ADK: variants seen among roughly 807,000 people sequenced by gnomAD.
ADK encodes adenosine kinase.
ADK carries 24 observed loss-of-function variants against 44.7 expected under a neutral mutation model. The ratio of observed to expected loss-of-function variants is 0.54; its 90% CI spans 0.39 to 0.76. ADK has a LOEUF of 0.76. Among genes scored for constraint, ADK ranks in the 30% least tolerant of loss-of-function variants. The pLI is 0.00. For missense variants in ADK, 321 were observed against 425.1 expected (o/e 0.76, Z 2.15); for synonymous variants, 128 against 142.6 (o/e 0.90, Z 0.73).
At chr10:74,239,021 C>T (rs957890344) in intron 3 of ADK, among the ~76,000 whole-genome samples, 1 of 151,952 alleles carries the variant, frequency 6.6e-6, no homozygotes, top group Middle Eastern at 3.4e-3. Flanking sequence ...CCACCATGCC[C>T]AGCTAATTTT....
At chr10:74,691,685 A>G (rs1335023167) in intron 10 of ADK, among the ~76,000 whole-genome samples, 2 of 133,764 alleles carry the variant, frequency 1.5e-5, no homozygotes, top group East Asian at 2.2e-4. Flanking sequence ...GACCATAAAC[A>G]TACAACAAAG....
At chr10:74,497,881 CTTTTCTTTTTTTT>C (rs906929335) in intron 6 of ADK, among the ~76,000 whole-genome samples, 1 of 150,412 alleles carries the variant, frequency 6.6e-6, no homozygotes, top group African/African-American at 2.5e-5. Flanking sequence ...TGAGGAAGAC[CTTTTCTTTTTTTT>C]TTTTCTTTTT....
intron 1 of ADK, among the ~76,000 whole-genome samples, chr10:74,156,525 G>T (rs1280976254): frequency 6.6e-6 from 1 of 152,126 alleles, no homozygotes; most frequent in East Asian, 1.9e-4. Flanking sequence ...TGAGGCACTG[G>T]CACTACTACA....
chr10:74,497,831 A>G (rs1453116264), intron 6 of ADK, among the ~76,000 whole-genome samples: 2 of 152,170 alleles, frequency 1.3e-5, no homozygotes, highest in Non-Finnish European at 2.9e-5. Context: ...AGATATATCA[A>G]TCAAGAACCT....
intron 9 of ADK, among the ~76,000 whole-genome samples, chr10:74,650,731 C>G (rs974677530): frequency 6.6e-6 from 1 of 152,202 alleles, no homozygotes; most frequent in South Asian, 2.1e-4. Flanking sequence ...CCTTGCAGTA[C>G]TGACAGCGAT....
At chr10:74,428,606 G>A (rs1844879665) in intron 6 of ADK, among the ~76,000 whole-genome samples, 1 of 152,180 alleles carries the variant, frequency 6.6e-6, no homozygotes, top group African/African-American at 2.4e-5. Context: ...ACCAGCAAAT[G>A]TGGAGGTTGT....
chr10:74,473,888 GCCA>G (rs1846708095), intron 6 of ADK, among the ~76,000 whole-genome samples: 1 of 152,136 alleles, frequency 6.6e-6, no homozygotes, highest in African/African-American at 2.4e-5. Flanking sequence ...GAAGGATATA[GCCA>G]CCACAGTAAT....
At chr10:74,552,313 G>A (rs944853578) in intron 7 of ADK, among the ~76,000 whole-genome samples, 15 of 152,230 alleles carry the variant, frequency 9.9e-5, no homozygotes, top group South Asian at 4.1e-4. Flanking sequence ...ATAAGCCACT[G>A]CTGTCAGCAC....
At chr10:74,151,445 C>A in intron 1 of ADK, 102 bp downstream of exon 1, 1 of 1,301,768 alleles carries the variant, frequency 7.7e-7, no homozygotes, top group Non-Finnish European at 1.1e-6. Context: ...TCTCTCACTG[C>A]CAGCTTGGGG....
At chr10:74,179,568 A>G (rs1223487382) in intron 1 of ADK, among the ~76,000 whole-genome samples, 4 of 152,154 alleles carry the variant, frequency 2.6e-5, no homozygotes. Context: ...AGCATGCTAA[A>G]ATACACTCCC....
At chr10:74,685,334 T>C (rs1401981912) in intron 10 of ADK, among the ~76,000 whole-genome samples, 1 of 152,226 alleles carries the variant, frequency 6.6e-6, no homozygotes, top group African/African-American at 2.4e-5. Flanking sequence ...AAATGACTAA[T>C]AAAAATTATG....
At chr10:74,513,560 T>C (rs1848434246) in intron 6 of ADK, among the ~76,000 whole-genome samples, 1 of 152,166 alleles carries the variant, frequency 6.6e-6, no homozygotes, top group African/African-American at 2.4e-5. Flanking sequence ...TATTCCTGTT[T>C]GCTTTTAGTT....
intron 3 of ADK, among the ~76,000 whole-genome samples, chr10:74,257,448 T>G (rs1845867611): frequency 1.3e-5 from 2 of 152,204 alleles, no homozygotes; most frequent in African/African-American, 4.8e-5. Flanking sequence ...CATAATAATC[T>G]ATATGTATGT....
chr10:74,504,680 A>T (rs752197984), intron 6 of ADK, among the ~76,000 whole-genome samples: 5 of 152,054 alleles, frequency 3.3e-5, no homozygotes, highest in African/African-American at 9.7e-5. Context: ...TAAGGGAGGG[A>T]CCTGTTAGGA....
chr10:74,650,728 G>C (rs1854231795), intron 9 of ADK, among the ~76,000 whole-genome samples: 1 of 152,172 alleles, frequency 6.6e-6, no homozygotes, highest in Non-Finnish European at 1.5e-5. Flanking sequence ...CAACCTTGCA[G>C]TACTGACAGC....
chr10:74,244,151 T>C (rs1443830036), intron 3 of ADK, among the ~76,000 whole-genome samples: 1 of 152,234 alleles, frequency 6.6e-6, no homozygotes, highest in Non-Finnish European at 1.5e-5. Flanking sequence ...TTTTTCTTGG[T>C]AACCAAGCTA....
At chr10:74,303,320 CTTTGCATCTGGA>C (rs1407200914) in intron 3 of ADK, among the ~76,000 whole-genome samples, 2 of 152,052 alleles carry the variant, frequency 1.3e-5, no homozygotes, top group Non-Finnish European at 2.9e-5. Context: ...TCTTTTGGCA[CTTTGCATCTGGA>C]TTATAGTTCC....
chr10:74,362,306 A>T, intron 4 of ADK, among the ~76,000 whole-genome samples: 1 of 146,720 alleles, frequency 6.8e-6, no homozygotes. Flanking sequence ...CTTTGAACTC[A>T]CTGATTCTTT....
rs535795246 is a variant in ADK, at chr10:74,372,660, G to A, written c.274-21481G>A. On this transcript the variant is annotated intron_variant, in intron 4 of 10. Transcript: ENST00000539909. ...GTATAAATATAACAACAGAAGTGTG[G>A]AACTTATACTCTAAAAACTACATAA... Among the ~76,000 whole-genome samples the A allele has an allele frequency of 2.0e-5, 3 of 152,088 alleles. No individual in the cohort carries two copies. The South Asian group carries it at 6.2e-4, about 32-fold the overall frequency.
Sources: gnomAD v4.1 joint callset for allele counts (sites outside exome capture counted in the v4.1 genomes callset) on GRCh38, gnomAD v4.1.1 for gene constraint, MANE v1.5 for transcripts, NCBI Gene and HGNC (gene_info 2026-07-23, HGNC 2026-07-21) for gene names.